CAMTA1: variants seen among roughly 807,000 people sequenced by gnomAD.
CAMTA1 encodes calmodulin-binding transcription activator 1.
In CAMTA1, 27 loss-of-function variants were observed where a neutral mutation model predicts 170.9. The ratio of observed to expected loss-of-function variants is 0.16; its 90% confidence interval spans 0.12 to 0.22. CAMTA1 has a LOEUF of 0.22. Ranked by LOEUF, CAMTA1 falls within the 10% of genes least tolerant of loss-of-function variation. The pLI, the probability that CAMTA1 is intolerant of heterozygous loss-of-function variation, is 1.00. For missense variants in CAMTA1, 1,619 were observed against 2,217.2 expected, an observed-to-expected ratio of 0.73 and a Z score of 5.42; for synonymous variants, 833 against 891.5, an observed-to-expected ratio of 0.93 and a Z score of 1.17.
chr1:7,623,028 A>T (rs1481161758), intron 6 of CAMTA1, among the ~76,000 whole-genome samples: 1 of 152,170 alleles, frequency 6.6e-6, no homozygotes, highest in Non-Finnish European at 1.5e-5. Context: ...ATCATCTCAG[A>T]TACAGCTGAA....
At chr1:7,323,507 CTTTTTTTTTTTTTTTT>C (rs56382342) in intron 5 of CAMTA1, among the ~76,000 whole-genome samples, 3 of 108,998 alleles carry the variant, frequency 2.8e-5, no homozygotes, top group Admixed American at 2.4e-4. Context: ...CTTTATTCTT[CTTTTTTTTTTTTTTTT>C]TTTTTTTTTA....
At chr1:7,722,921 TA>T (rs906589442) in intron 11 of CAMTA1, among the ~76,000 whole-genome samples, 7 of 150,740 alleles carry the variant, frequency 4.6e-5, no homozygotes, top group African/African-American at 1.2e-4. Flanking sequence ...ACCGCAGCTC[TA>T]AAAAAAAATA....
At chr1:7,334,094 T>G in intron 5 of CAMTA1, among the ~76,000 whole-genome samples, 1 of 152,362 alleles carries the variant, frequency 6.6e-6, no homozygotes, top group East Asian at 1.9e-4. Context: ...TTTAAAATAG[T>G]ACTTTAGATC....
At chr1:7,500,397 G>A (rs1426251017) in intron 6 of CAMTA1, among the ~76,000 whole-genome samples, 1 of 150,138 alleles carries the variant, frequency 6.7e-6, no homozygotes, top group African/African-American at 2.5e-5. Flanking sequence ...GTGTCCGTGA[G>A]TGAGTGTGTA....
intron 11 of CAMTA1, among the ~76,000 whole-genome samples, chr1:7,707,564 A>G (rs560743595): frequency 6.6e-6 from 1 of 152,186 alleles, no homozygotes; most frequent in South Asian, 2.1e-4. Flanking sequence ...TTTTGTAGAG[A>G]TGAGGTTTCT....
chr1:7,561,615 T>TGC lies in CAMTA1; in HGVS notation c.511-78784_511-78783dup, dbSNP rs991545818. 6.6e-6 allele frequency among the ~76,000 whole-genome samples: 1 copy of TGC among 151,902 alleles called. No homozygotes were observed. The highest frequency in any genetic ancestry group is 6.6e-5 in the Admixed American group (1 of 15,262). On this transcript the variant is annotated intron_variant, in intron 6 of 22. Coordinates refer to ENST00000303635, the MANE Select transcript of CAMTA1 (RefSeq NM_015215.4). This position sits in a 1 kb window ranked among gnomAD's most constrained non-coding sequence, Gnocchi z 5.3. ...TGTGGGCGGCTTGCGCAGCACCCTC[T>TGC]GCAGGCAGAGCTGGTTACATGCAGC...
intron 3 of CAMTA1, among the ~76,000 whole-genome samples, chr1:7,088,116 G>A (rs1051146071): frequency 2.0e-5 from 3 of 152,168 alleles, no homozygotes; most frequent in South Asian, 2.1e-4. Flanking sequence ...AGTCGATGGC[G>A]GGTGAGTCCA....
intron 5 of CAMTA1, among the ~76,000 whole-genome samples, chr1:7,340,815 C>A (rs894187238): frequency 3.9e-5 from 6 of 151,970 alleles, no homozygotes; most frequent in Non-Finnish European, 8.8e-5. Context: ...CTACTCTGCA[C>A]CAAACAATGA....
At chr1:7,746,115 T>C in intron 18 of CAMTA1, 24 bp downstream of exon 18, 1 of 1,606,610 alleles carries the variant, frequency 6.2e-7, no homozygotes, top group Non-Finnish European at 8.5e-7. Context: ...GAACCTTCGT[T>C]TTGTGACATT....
intron 3 of CAMTA1, among the ~76,000 whole-genome samples, chr1:6,890,681 C>T (rs542345677): frequency 1.4e-3 from 209 of 152,200 alleles, no homozygotes; most frequent in Middle Eastern, 3.4e-3. Context: ...AGTGATCCTC[C>T]TGCCTTAGCT....
intron 5 of CAMTA1, among the ~76,000 whole-genome samples, chr1:7,465,613 A>C (rs866870956): frequency 3.2e-4 from 49 of 152,212 alleles, no homozygotes; most frequent in African/African-American, 1.2e-3. Context: ...TAGAAATGGC[A>C]GTGTTTCTTT....
At chr1:7,596,822 A>T (rs1416599259) in intron 6 of CAMTA1, among the ~76,000 whole-genome samples, 1 of 152,164 alleles carries the variant, frequency 6.6e-6, no homozygotes, top group Admixed American at 6.5e-5. Context: ...ACTCAACTTG[A>T]CATGGCTTTG....
At position 7,682,870 on chromosome 1, in the gene CAMTA1, AAG is replaced by A. The variant is rs1000426658; in HGVS notation, c.2914+5141_2914+5142del. On this transcript the variant is annotated intron_variant, in intron 11 of 22. Coordinates refer to ENST00000303635, the MANE Select transcript of CAMTA1 (RefSeq NM_015215.4). This position sits in a 1 kb window ranked among gnomAD's most constrained non-coding sequence, Gnocchi z 5.0. ...CACATCGCATGACATGGGATGCTGT[AAG>A]AGAACATACACAGAGTTGGCTGGGT... 1.3e-5 allele frequency among the ~76,000 whole-genome samples: 2 copies of A among 152,224 alleles called. No homozygotes were observed. Among genetic ancestry groups the A allele is most frequent in the African/African-American group, 4.8e-5 (2 of 41,466 alleles).
intron 4 of CAMTA1, among the ~76,000 whole-genome samples, chr1:7,218,758 T>G (rs1660199632): frequency 6.6e-6 from 1 of 152,260 alleles, no homozygotes; most frequent in South Asian, 2.1e-4. Context: ...TGGACCCATC[T>G]TATCCTCTTG....
At chr1:7,179,529 A>G (rs1651663717) in intron 4 of CAMTA1, among the ~76,000 whole-genome samples, 1 of 152,258 alleles carries the variant, frequency 6.6e-6, no homozygotes, top group Non-Finnish European at 1.5e-5. Context: ...AGTAAGTTCT[A>G]TAAGGTAGAA....
At chr1:7,147,832 AACTCATATACCATGCACACACAC>A (rs1164377971) in intron 4 of CAMTA1, among the ~76,000 whole-genome samples, 3,927 of 78,220 alleles carry the variant, frequency 0.05, 189 homozygotes, top group Middle Eastern at 0.12. Flanking sequence ...CACACACACA[AACTCATATACCATGCACACACAC>A]ACTCATACAC....
At chr1:7,643,382 C>T (rs2095781036) in intron 7 of CAMTA1, among the ~76,000 whole-genome samples, 1 of 152,234 alleles carries the variant, frequency 6.6e-6, no homozygotes, top group South Asian at 2.1e-4. Flanking sequence ...CAAGGAGGTT[C>T]TCCCAAGGGA....
chr1:7,764,564 A>G (rs1221034479), intron 22 of CAMTA1, among the ~76,000 whole-genome samples: 1 of 152,248 alleles, frequency 6.6e-6, no homozygotes, highest in Non-Finnish European at 1.5e-5. Context: ...TTAAATTGCT[A>G]TTATACCATA....
Position 7,634,296 on chromosome 1 carries a change from G to A in CAMTA1, c.511-6104G>A, listed in dbSNP as rs1029209052. On this transcript the variant is annotated intron_variant, in intron 6 of 22. Transcript: ENST00000303635. This position sits in a 1 kb window ranked among gnomAD's most constrained non-coding sequence, Gnocchi z 6.2. ...GGAGAAATGGCAGAACTGGGTGATC[G>A]ACTGGCCGTTGAGGGAGAGGGAGGG... Among the ~76,000 whole-genome samples, 1 of 152,094 alleles carries A rather than the reference G, an allele frequency of 6.6e-6. No individual in the cohort carries two copies. Among genetic ancestry groups the A allele is most frequent in the African/African-American group, 2.4e-5 (1 of 41,416 alleles).
Sources: gnomAD v4.1 joint callset for allele counts (sites outside exome capture counted in the v4.1 genomes callset) on GRCh38, gnomAD v4.1.1 for gene constraint, Gnocchi (gnomAD v3.1) non-coding constraint, MANE v1.5 for transcripts, NCBI Gene and HGNC (gene_info 2026-07-23, HGNC 2026-07-21) for gene names.